The following NHS variants were observed in gnomAD, a reference collection of about 807,000 sequenced individuals.
NHS encodes the protein NHS actin remodeling regulator.
A neutral mutation model predicts 72.5 loss-of-function variants in NHS; 5 were observed. That is an observed-to-expected ratio of 0.07 (90% CI 0.04 to 0.14). The LOEUF (loss-of-function observed/expected upper bound fraction) is 0.14, where lower values mean the gene tolerates loss of function less well. NHS is among the 10% of genes least tolerant of loss of function. NHS has a pLI of 1.00. For synonymous variants in NHS, 464 were observed against 547.7 expected (o/e 0.85, Z 2.13); for missense variants, 1,072 against 1,355.7 (o/e 0.79, Z 3.29).
intron 1 of NHS, among the ~76,000 whole-genome samples, chrX:17,413,428 CA>C (rs2146860469): frequency 8.9e-6 from 1 of 111,912 alleles, no homozygotes; most frequent in African/African-American, 3.2e-5. Context: ...GTGGGCTGTG[CA>C]AGTTGCTTTT....
At chrX:17,696,117 C>T (rs1325305772) in intron 3 of NHS, among the ~76,000 whole-genome samples, 1 of 111,601 alleles carries the variant, frequency 9.0e-6, no homozygotes, top group African/African-American at 3.3e-5. Context: ...TTCTTTAATG[C>T]ACCACAGAAA....
chrX:17,475,227 G>T (rs1250172270), intron 1 of NHS, among the ~76,000 whole-genome samples: 2 of 112,492 alleles, frequency 1.8e-5, no homozygotes. Context: ...TGTGGAGAAG[G>T]ATGAGAAGGA....
chrX:17,393,545 C>T (rs1252315432), intron 1 of NHS, among the ~76,000 whole-genome samples: 1 of 112,502 alleles, frequency 8.9e-6, no homozygotes, highest in African/African-American at 3.2e-5. Context: ...ATTGGCACTG[C>T]TTCAGCTCTT....
chrX:17,589,073 T>G, intron 1 of NHS, among the ~76,000 whole-genome samples: 1 of 112,570 alleles, frequency 8.9e-6, no homozygotes, highest in Non-Finnish European at 1.9e-5. Context: ...TTTCAACACA[T>G]AGCACAGTGT....
chrX:17,723,768 T>TGTGTGC (rs1556037799), intron 5 of NHS, among the ~76,000 whole-genome samples: 5 of 93,993 alleles, frequency 5.3e-5, no homozygotes, highest in Non-Finnish European at 1.0e-4. Flanking sequence ...TGTGTGTGTG[T>TGTGTGC]GTGCGCGCGC....
At chrX:17,535,527 C>T (rs903381433) in intron 1 of NHS, among the ~76,000 whole-genome samples, 5 of 111,461 alleles carry the variant, frequency 4.5e-5, no homozygotes, top group African/African-American at 6.5e-5. Context: ...ACTGGGATAG[C>T]GCCCACCATG....
chrX:17,732,229 C>G lies in NHS; in HGVS notation c.4721C>G (p.Ser1574Cys), dbSNP rs1282681369. 1.7e-6 allele frequency: 2 copies of G among 1,210,245 alleles called. No homozygotes were observed. The highest frequency in any genetic ancestry group is 1.7e-5 in the African/African-American group (1 of 57,195). The change falls in exon 9 of 9, where the codon TCC (serine) becomes TGC (cysteine). Residue 1574 changes from serine to cysteine, a missense_variant. Transcript: ENST00000676302. The part of the protein sequence containing the change: ...HQGSQGAEAL[S>C]PLSPCSPRVN... ...GGGTCACAAGGGGCTGAGGCATTGT[C>G]CCCACTCTCTCCATGCTCCCCACGA...
intron 1 of NHS, among the ~76,000 whole-genome samples, chrX:17,543,286 G>A (rs1178384262): frequency 8.9e-6 from 1 of 112,184 alleles, no homozygotes. Flanking sequence ...GATACAGTGC[G>A]TTTCGCCTTA....
intron 1 of NHS, among the ~76,000 whole-genome samples, chrX:17,573,506 C>T (rs190234141): frequency 2.7e-5 from 3 of 109,445 alleles, no homozygotes; most frequent in Non-Finnish European, 5.7e-5. Flanking sequence ...ACGAAGTTCT[C>T]GTAATGTGGT....
At chrX:17,456,373 AATT>A (rs2064825880) in intron 1 of NHS, among the ~76,000 whole-genome samples, 1 of 111,893 alleles carries the variant, frequency 8.9e-6, no homozygotes, top group Non-Finnish European at 1.9e-5. Context: ...GATGGCAAAT[AATT>A]ATCTGCAGAT....
intron 1 of NHS, among the ~76,000 whole-genome samples, chrX:17,634,788 C>T (rs1160220315): frequency 1.5e-4 from 17 of 111,902 alleles, no homozygotes; most frequent in South Asian, 3.8e-4. Context: ...CCAGTTGTAT[C>T]GCCTCCACCT....
intron 3 of NHS, among the ~76,000 whole-genome samples, chrX:17,693,041 A>G (rs1448073534): frequency 8.9e-6 from 1 of 112,027 alleles, no homozygotes; most frequent in Non-Finnish European, 1.9e-5. Flanking sequence ...TACCATTTGA[A>G]GAGTAATCAT....
intron 1 of NHS, among the ~76,000 whole-genome samples, chrX:17,674,142 C>G (rs187573210): frequency 5.1e-4 from 57 of 111,794 alleles, no homozygotes; most frequent in African/African-American, 1.7e-3. Flanking sequence ...CCAGTACACT[C>G]GGAGGGATTG....
intron 1 of NHS, among the ~76,000 whole-genome samples, chrX:17,483,187 C>G (rs956613388): frequency 8.9e-6 from 1 of 111,795 alleles, no homozygotes; most frequent in Non-Finnish European, 1.9e-5. Flanking sequence ...TTTCTTAATG[C>G]GTAAAGTATA....
chrX:17,496,185 G>A (rs1213305746), intron 1 of NHS, among the ~76,000 whole-genome samples: 1 of 111,759 alleles, frequency 8.9e-6, no homozygotes, highest in Non-Finnish European at 1.9e-5. Context: ...GCCTGCAGGG[G>A]TAAGCAAAGC....
At chrX:17,639,750 T>C in intron 1 of NHS, among the ~76,000 whole-genome samples, 1 of 112,304 alleles carries the variant, frequency 8.9e-6, no homozygotes. Context: ...AAATTGGAGA[T>C]TATGTTTCAA....
intron 1 of NHS, among the ~76,000 whole-genome samples, chrX:17,431,345 G>C (rs1426365072): frequency 1.8e-5 from 2 of 111,706 alleles, no homozygotes; most frequent in East Asian, 5.6e-4. Context: ...TGTCAACTCT[G>C]TATCTGTGGG....
In NHS at chrX:17,729,213, C is replaced by T. The variant is rs1451542988; in HGVS notation, c.4349+438C>T. 7.2e-5 allele frequency among the ~76,000 whole-genome samples: 8 copies of T among 111,883 alleles called. No individual in the cohort carries two copies. In the East Asian group the frequency reaches 2.0e-3, roughly 27 times the overall value. ...AACAGAAGTTGATTCACCATGGATG[C>T]ACCAAAATCTCAGAAATCACCACTA... is the stretch of plus-strand genomic sequence containing the variant. On this transcript the variant is annotated intron_variant, in intron 8 of 8. Transcript: ENST00000676302.
intron 6 of NHS, 100 bp from the exon 7 acceptor site, chrX:17,725,247 A>C: frequency 1.3e-6 from 1 of 763,185 alleles, no homozygotes; most frequent in Non-Finnish European, 1.9e-6. Flanking sequence ...AAAAAAAAAC[A>C]GCTCTAACCT....
Sources: gnomAD v4.1 joint callset for allele counts (sites outside exome capture counted in the v4.1 genomes callset) on GRCh38, gnomAD v4.1.1 for gene constraint, MANE v1.5 for transcripts, NCBI Gene and HGNC (gene_info 2026-07-23, HGNC 2026-07-21) for gene names.